The following STK32B variants were observed in gnomAD, a reference collection of about 807,000 sequenced individuals.
The protein encoded by STK32B is serine/threonine kinase 32B.
A neutral mutation model predicts 52.6 loss-of-function variants in STK32B; 43 were observed. The ratio of observed to expected loss-of-function variants is 0.82; its 90% CI spans 0.64 to 1.05. The LOEUF is 1.05. Ranked by LOEUF, STK32B falls within the 50% of genes least tolerant of loss-of-function variation. The pLI, the probability that STK32B is intolerant of heterozygous loss-of-function variation, is 0.00. For missense variants in STK32B, 621 were observed against 534.6 expected, an observed-to-expected ratio of 1.16 and a Z score of -1.59; for synonymous variants, 238 against 204.3, an observed-to-expected ratio of 1.17 and a Z score of -1.41.
intron 3 of STK32B, among the ~76,000 whole-genome samples, chr4:5,294,965 G>T (rs898146035): frequency 1.3e-5 from 2 of 152,054 alleles, no homozygotes; most frequent in Non-Finnish European, 2.9e-5. Context: ...CTAGTTTATC[G>T]AGTGTTTTTT....
At chr4:5,167,742 A>G (rs371811672) in intron 2 of STK32B, among the ~76,000 whole-genome samples, 2 of 152,210 alleles carry the variant, frequency 1.3e-5, no homozygotes, top group African/African-American at 2.4e-5. Context: ...CGTGGATCGA[A>G]TGTTGCTCTG....
In STK32B at chr4:5,121,790, C is replaced by G. The variant is rs1577081769; in HGVS notation, c.53-18115C>G. Among the ~76,000 whole-genome samples, 5 of 151,992 alleles carry G rather than the reference C, an allele frequency of 3.3e-5. No individual in the cohort carries two copies. The South Asian group carries it at 1.0e-3, about 32-fold the overall frequency. On this transcript the variant is annotated intron_variant, in intron 1 of 11. Coordinates refer to ENST00000282908, the MANE Select transcript of STK32B (RefSeq NM_018401.3). ...GCACCAAAGTCTGTATTCAGTCTTG[C>G]TGTGACAGCTAAGGAGACTGCTGTC...
chr4:5,435,774 G>A (rs1378719079), intron 6 of STK32B: 2 of 152,224 alleles, frequency 1.3e-5, no homozygotes, highest in Non-Finnish European at 2.9e-5. Flanking sequence ...AGAGAAAAGG[G>A]AGACAACTAA....
intron 1 of STK32B, among the ~76,000 whole-genome samples, chr4:5,086,516 AAGAAAAAG>A (rs955245991): frequency 6.6e-6 from 1 of 152,246 alleles, no homozygotes; most frequent in African/African-American, 2.4e-5. Context: ...CCAGAAGTAG[AAGAAAAAG>A]AGAAAAGAGA....
intron 4 of STK32B, among the ~76,000 whole-genome samples, chr4:5,351,824 A>C (rs1733844296): frequency 1.3e-5 from 2 of 152,100 alleles, no homozygotes; most frequent in African/African-American, 2.4e-5. Context: ...CATGATGAAC[A>C]ATTATGCACT....
rs975742264 is a variant in STK32B, at chr4:5,058,713, A to G, written c.52+6798A>G. Among the ~76,000 whole-genome samples the G allele has an allele frequency of 7.2e-5, 11 of 152,074 alleles. No individual in the cohort carries two copies. The South Asian group carries it at 1.5e-3, about 20-fold the overall frequency. The stretch of plus-strand genomic sequence containing the variant: ...AAGTAGACCATAGGAACACACCACC[A>G]TGCCCTGCTAGTTTATTTATTTATT... On this transcript the variant is annotated intron_variant, in intron 1 of 11. Coordinates refer to ENST00000282908, the MANE Select transcript of STK32B (RefSeq NM_018401.3). This position sits in a 1 kb window ranked among gnomAD's most constrained non-coding sequence, Gnocchi z 4.8.
chr4:5,140,080 C>A, intron 2 of STK32B, 120 bp downstream of exon 2: 3 of 1,483,436 alleles, frequency 2.0e-6, no homozygotes, highest in East Asian at 4.6e-5. Context: ...ACTTGACAAA[C>A]TTGAAATGTG....
intron 1 of STK32B, among the ~76,000 whole-genome samples, chr4:5,136,026 C>G (rs1224271108): frequency 6.6e-6 from 1 of 152,050 alleles, no homozygotes; most frequent in East Asian, 1.9e-4. Context: ...CTTAGAAATT[C>G]AGGAGGTGAA....
At chr4:5,099,453 C>T (rs866454007) in intron 1 of STK32B, among the ~76,000 whole-genome samples, 7 of 107,794 alleles carry the variant, frequency 6.5e-5, no homozygotes, top group East Asian at 2.2e-4. Flanking sequence ...TGTGTGTGCG[C>T]GCGCGCGTAT....
intron 3 of STK32B, among the ~76,000 whole-genome samples, chr4:5,232,001 C>T (rs551909433): frequency 6.6e-6 from 1 of 152,196 alleles, no homozygotes; most frequent in Admixed American, 6.5e-5. Flanking sequence ...ACATACTAGC[C>T]GAGTGCCTGT....
In STK32B at chr4:5,481,092, A is replaced by C. The variant is rs550739806; in HGVS notation, c.1106+13022A>C. Among the ~76,000 whole-genome samples, 7 of 152,314 alleles carry C rather than the reference A, an allele frequency of 4.6e-5. No individual in the cohort carries two copies. In the South Asian group the frequency reaches 8.3e-4, roughly 18 times the overall value. ...GCATGATTTATAATCCTTTTGGTAT[A>C]TACCCAGAAGTGGAATTGCTGGGTC... On this transcript the variant is annotated intron_variant, in intron 11 of 11. Coordinates refer to ENST00000282908, the MANE Select transcript of STK32B (RefSeq NM_018401.3).
At chr4:5,270,991 G>A (rs967654842) in intron 3 of STK32B, among the ~76,000 whole-genome samples, 6 of 148,220 alleles carry the variant, frequency 4.0e-5, no homozygotes, top group African/African-American at 1.5e-4. Flanking sequence ...AGGCTGGAGT[G>A]CAGGGGTGCG....
intron 3 of STK32B, among the ~76,000 whole-genome samples, chr4:5,283,021 AT>A (rs1728308658): frequency 1.3e-5 from 2 of 152,116 alleles, no homozygotes; most frequent in South Asian, 4.1e-4. Context: ...CTCAAAACCT[AT>A]CCTTTCTATT....
the STK32B span, among the ~76,000 whole-genome samples, chr4:5,028,410 T>C: frequency 5.9e-5 from 9 of 152,188 alleles, no homozygotes; most frequent in African/African-American, 1.7e-4. Flanking sequence ...CAGGCCAGGA[T>C]TGAGTTTCCC....
intron 1 of STK32B, among the ~76,000 whole-genome samples, chr4:5,059,078 T>TTTTTTTTTTTTG: frequency 8.0e-6 from 1 of 124,446 alleles, no homozygotes; most frequent in African/African-American, 2.8e-5. Context: ...TTTTTTTTTT[T>TTTTTTTTTTTTG]TTTGTAGAGC....
intron 11 of STK32B, among the ~76,000 whole-genome samples, chr4:5,474,781 G>T (rs946404446): frequency 1.3e-5 from 2 of 152,138 alleles, no homozygotes; most frequent in Non-Finnish European, 2.9e-5. Flanking sequence ...GATTGTATCC[G>T]TAGGTATTTT....
intron 3 of STK32B, among the ~76,000 whole-genome samples, chr4:5,177,439 A>T (rs1043928990): frequency 6.6e-6 from 1 of 152,170 alleles, no homozygotes; most frequent in Admixed American, 6.5e-5. Flanking sequence ...ACAGTTCACG[A>T]TGCGACTTGA....
intron 2 of STK32B, among the ~76,000 whole-genome samples, chr4:5,154,178 G>T (rs1717600194): frequency 6.6e-6 from 1 of 151,026 alleles, no homozygotes; most frequent in African/African-American, 2.4e-5. Context: ...ACTAATCTAT[G>T]GCTGGATGGC....
At chr4:5,134,669 A>T (rs1715967058) in intron 1 of STK32B, among the ~76,000 whole-genome samples, 1 of 152,266 alleles carries the variant, frequency 6.6e-6, no homozygotes, top group African/African-American at 2.4e-5. Context: ...TCATTGGACT[A>T]GCCAGACTAA....
Sources: allele counts gnomAD v4.1 joint callset (sites outside exome capture counted in the v4.1 genomes callset), GRCh38; gene constraint gnomAD v4.1.1; non-coding constraint Gnocchi (gnomAD v3.1); transcripts MANE v1.5; gene names NCBI Gene and HGNC (gene_info 2026-07-23, HGNC 2026-07-21).